The following PHAF1 variants were observed in gnomAD, a reference collection of about 807,000 sequenced individuals.
The protein encoded by PHAF1 is phagophore assembly factor 1, also known as phagosome assembly factor 1.
Under a neutral mutation model 63.1 loss-of-function variants are expected in PHAF1, and 23 were observed. The ratio of observed to expected loss-of-function variants is 0.36; its 90% CI spans 0.26 to 0.52. The LOEUF (loss-of-function observed/expected upper bound fraction) is 0.52, where lower values mean the gene tolerates loss of function less well. Ranked by LOEUF, PHAF1 falls within the 20% of genes least tolerant of loss-of-function variation. PHAF1 has a pLI of 0.93. For missense variants in PHAF1, 427 were observed against 517.2 expected (o/e 0.83, Z 1.69); for synonymous variants, 167 against 185.0 (o/e 0.90, Z 0.79).
chr16:67,122,448 T>G (rs1174152802), intron 2 of PHAF1, among the ~76,000 whole-genome samples: 1 of 151,586 alleles, frequency 6.6e-6, no homozygotes, highest in Admixed American at 6.6e-5. Flanking sequence ...AAAATTAACC[T>G]GGAGTGGTGG....
At chr16:67,136,929 G>C (rs1358178527) in intron 8 of PHAF1, among the ~76,000 whole-genome samples, 1 of 152,102 alleles carries the variant, frequency 6.6e-6, no homozygotes, top group Non-Finnish European at 1.5e-5. Flanking sequence ...GGCCGAGGTG[G>C]GCGGATCACG....
intron 3 of PHAF1, among the ~76,000 whole-genome samples, chr16:67,127,000 T>C (rs1396926210): frequency 6.6e-6 from 1 of 151,604 alleles, no homozygotes; most frequent in African/African-American, 2.4e-5. Context: ...GCAATTCTCC[T>C]GCCTCAGCCT....
intron 3 of PHAF1, among the ~76,000 whole-genome samples, chr16:67,126,600 T>G (rs1253093525): frequency 6.7e-6 from 1 of 150,130 alleles, no homozygotes; most frequent in Non-Finnish European, 1.5e-5. Context: ...TTTTGGTTTT[T>G]TTTTTTTTTT....
intron 1 of PHAF1, 106 bp from the exon 2 acceptor site, chr16:67,120,006 C>A: frequency 1.1e-6 from 1 of 873,234 alleles, no homozygotes. Flanking sequence ...CTTAGTAGCC[C>A]CCAAACATCC....
At chr16:67,118,059 A>G (rs1240381308) in intron 1 of PHAF1, among the ~76,000 whole-genome samples, 2 of 143,092 alleles carry the variant, frequency 1.4e-5, no homozygotes, top group African/African-American at 5.2e-5. Flanking sequence ...GGTTCATGCC[A>G]TTCTCCTGTC....
At chr16:67,112,754 G>A (rs1472577656) in intron 1 of PHAF1, among the ~76,000 whole-genome samples, 1 of 152,176 alleles carries the variant, frequency 6.6e-6, no homozygotes, top group Non-Finnish European at 1.5e-5. Context: ...TGTATATTGG[G>A]TCAAGAATTG....
chr16:67,137,055 T>C (rs1425724133), intron 8 of PHAF1, among the ~76,000 whole-genome samples: 1 of 151,524 alleles, frequency 6.6e-6, no homozygotes, highest in Non-Finnish European at 1.5e-5. Context: ...CTCGGGAGGC[T>C]GAGGCAGGAG....
At chr16:67,131,435 TAGCCTG>T in intron 4 of PHAF1, 106 bp downstream of exon 4, 1 of 849,674 alleles carries the variant, frequency 1.2e-6, no homozygotes. Flanking sequence ...ATGTGAATTA[TAGCCTG>T]GTGCCATGAA....
chr16:67,131,180 GTTTTTTT>G (rs71145961), intron 3 of PHAF1, 99 bp from the exon 4 acceptor site: 8 of 249,098 alleles, frequency 3.2e-5, no homozygotes, highest in Admixed American at 1.3e-4. Context: ...ATTGGTAATA[GTTTTTTT>G]TTTTTTTTTT....
intron 1 of PHAF1, among the ~76,000 whole-genome samples, chr16:67,112,744 TG>T (rs1430013815): frequency 1.3e-5 from 2 of 152,200 alleles, no homozygotes; most frequent in African/African-American, 4.8e-5. Context: ...AGGGCATTTC[TG>T]TATATTGGGT....
chr16:67,113,900 A>G (rs1048793839), intron 1 of PHAF1, among the ~76,000 whole-genome samples: 2 of 151,746 alleles, frequency 1.3e-5, no homozygotes, highest in Admixed American at 6.6e-5. Flanking sequence ...ATGGGGTTTC[A>G]CGATGTTGAC....
chr16:67,139,628 C>T lies in PHAF1; in HGVS notation c.662-356C>T, dbSNP rs1178250013. On this transcript the variant is annotated intron_variant, in intron 8 of 15. Transcript: ENST00000219139. ...CCTCCCAAAGTGCTGGGATTATAGG[C>T]GTGAGCCACCACGTCTGGCCAGAAA... 4.0e-5 allele frequency: 8 copies of T among 199,830 alleles called. No individual in the cohort carries two copies. The East Asian group carries it at 5.3e-4, about 13-fold the overall frequency. 12.4% of individuals were successfully genotyped at this position (199,830 alleles called of 1,614,324 possible). A position where few individuals can be genotyped will look rare whatever the true frequency, so the allele number is the denominator to read the frequency against.
chr16:67,120,286 G>A, intron 2 of PHAF1, 92 bp downstream of exon 2: 1 of 1,188,908 alleles, frequency 8.4e-7, no homozygotes, highest in Non-Finnish European at 1.2e-6. Context: ...GACTGGCAAG[G>A]ATAGCTGTGT....
At chr16:67,120,553 T>C (rs1962930724) in intron 2 of PHAF1, among the ~76,000 whole-genome samples, 1 of 151,102 alleles carries the variant, frequency 6.6e-6, no homozygotes, top group African/African-American at 2.4e-5. Context: ...TCTGCTTTTG[T>C]TGGTTAGTTT....
At chr16:67,121,481 C>G (rs746169384) in intron 2 of PHAF1, among the ~76,000 whole-genome samples, 6 of 145,334 alleles carry the variant, frequency 4.1e-5, no homozygotes, top group Admixed American at 2.1e-4. Flanking sequence ...GGATTACAAG[C>G]GTGAGCCACC....
chr16:67,125,504 A>G (rs769693383), intron 2 of PHAF1, among the ~76,000 whole-genome samples: 6 of 152,228 alleles, frequency 3.9e-5, no homozygotes, highest in Non-Finnish European at 5.9e-5. Flanking sequence ...CTGAGTGTGA[A>G]TGGATGTAGG....
chr16:67,134,874 A>G (rs1489747027), intron 8 of PHAF1: 4 of 358,930 alleles, frequency 1.1e-5, no homozygotes, highest in Non-Finnish European at 2.2e-5. Context: ...ATTTCAACAT[A>G]TGAATTTTAG....
intron 14 of PHAF1, among the ~76,000 whole-genome samples, chr16:67,146,002 A>C (rs147837058): frequency 4.6e-5 from 7 of 152,176 alleles, no homozygotes; most frequent in Non-Finnish European, 1.0e-4. Flanking sequence ...ATGCTGCCTG[A>C]GATTCTCTCA....
chr16:67,123,120 T>G (rs1230990836), intron 2 of PHAF1, among the ~76,000 whole-genome samples: 1 of 149,714 alleles, frequency 6.7e-6, no homozygotes, highest in Non-Finnish European at 1.5e-5. Flanking sequence ...AGCATCTTGC[T>G]CTGTCACCAA....
Sources: allele counts gnomAD v4.1 joint callset (sites outside exome capture counted in the v4.1 genomes callset), GRCh38; gene constraint gnomAD v4.1.1; transcripts MANE v1.5; gene names NCBI Gene and HGNC (gene_info 2026-07-23, HGNC 2026-07-21).